The following ITSN1 variants were observed in gnomAD, a reference collection of about 807,000 sequenced individuals.
ITSN1 encodes the protein intersectin 1, also known as intersectin-1.
ITSN1 carries 58 observed loss-of-function variants against 239.8 expected under a neutral mutation model. The ratio of observed to expected loss-of-function variants is 0.24; its 90% CI spans 0.20 to 0.30. The LOEUF (loss-of-function observed/expected upper bound fraction) is 0.30, where lower values mean the gene tolerates loss of function less well. Ranked by LOEUF, ITSN1 falls within the 10% of genes least tolerant of loss-of-function variation. The probability of loss-of-function intolerance (pLI) is 1.00; values close to 1 mark genes in which losing one functional copy is unlikely to be tolerated. For synonymous variants in ITSN1, 780 were observed against 770.8 expected, an observed-to-expected ratio of 1.01 and a Z score of -0.20; for missense variants, 1,558 against 2,103.3, an observed-to-expected ratio of 0.74 and a Z score of 5.07.
chr21:33,744,806 T>G (rs2067083440), intron 5 of ITSN1, among the ~76,000 whole-genome samples: 2 of 152,192 alleles, frequency 1.3e-5, no homozygotes, highest in South Asian at 4.1e-4. Context: ...ACTCAATAAA[T>G]ATTTGTAAAT....
At chr21:33,707,220 C>G (rs776692162) in intron 1 of ITSN1, among the ~76,000 whole-genome samples, 6 of 152,074 alleles carry the variant, frequency 3.9e-5, no homozygotes, top group Non-Finnish European at 7.4e-5. Flanking sequence ...GCTTGTGGCT[C>G]TCTTTTCAAC....
intron 24 of ITSN1, among the ~76,000 whole-genome samples, chr21:33,820,875 T>G (rs1295311542): frequency 1.3e-5 from 2 of 152,166 alleles, no homozygotes; most frequent in Non-Finnish European, 2.9e-5. Context: ...AAAACTTTGG[T>G]GTGTTACATC....
intron 20 of ITSN1, among the ~76,000 whole-genome samples, chr21:33,808,164 C>T (rs1226351886): frequency 1.3e-5 from 2 of 150,358 alleles, no homozygotes; most frequent in African/African-American, 4.9e-5. Flanking sequence ...TCCGCAGTCC[C>T]ACCTGGGCGA....
chr21:33,815,005 C>T (rs191249031), intron 22 of ITSN1, among the ~76,000 whole-genome samples: 2 of 151,904 alleles, frequency 1.3e-5, no homozygotes, highest in Non-Finnish European at 2.9e-5. Flanking sequence ...CACCTTAAAG[C>T]GGGAAGGGAG....
At chr21:33,846,021 C>A (rs1230093209) in intron 29 of ITSN1, among the ~76,000 whole-genome samples, 2 of 152,144 alleles carry the variant, frequency 1.3e-5, no homozygotes, top group Non-Finnish European at 2.9e-5. Flanking sequence ...ATGACTCAAC[C>A]CCCCTTGTCT....
At chr21:33,756,428 T>A (rs1602044529) in intron 8 of ITSN1, among the ~76,000 whole-genome samples, 1 of 151,212 alleles carries the variant, frequency 6.6e-6, no homozygotes, top group Non-Finnish European at 1.5e-5. Context: ...GGGAAAAAAA[T>A]TAGGTTTCCT....
At chr21:33,770,622 C>G (rs1362466622) in intron 11 of ITSN1, among the ~76,000 whole-genome samples, 1 of 152,140 alleles carries the variant, frequency 6.6e-6, no homozygotes, top group Non-Finnish European at 1.5e-5. Flanking sequence ...TGGGATTTAC[C>G]TGTTGTGGAT....
intron 37 of ITSN1, 64 bp downstream of exon 37, chr21:33,885,187 C>A: frequency 1.5e-6 from 2 of 1,361,112 alleles, no homozygotes; most frequent in Non-Finnish European, 2.1e-6. Context: ...TTTGGCTGGG[C>A]TGAAAATCCT....
At chr21:33,800,198 CAG>C (rs895186218) in intron 19 of ITSN1, among the ~76,000 whole-genome samples, 25 of 151,878 alleles carry the variant, frequency 1.6e-4, no homozygotes, top group Non-Finnish European at 2.8e-4. Context: ...CTGATAATTT[CAG>C]AGTTTAGATT....
chr21:33,762,014 G>T, intron 9 of ITSN1, 28 bp downstream of exon 9: 1 of 1,559,530 alleles, frequency 6.4e-7, no homozygotes, highest in South Asian at 1.1e-5. Context: ...CTTTGGTTTG[G>T]ATAAAGTGGA....
intron 20 of ITSN1, 28 bp from the exon 21 acceptor site, chr21:33,810,947 C>T: frequency 1.2e-6 from 2 of 1,614,070 alleles, no homozygotes; most frequent in Non-Finnish European, 1.7e-6. Flanking sequence ...TAATTTAGTT[C>T]TACTTAAAGC....
chr21:33,794,612 A>G (rs2071391933), intron 17 of ITSN1, 144 bp downstream of exon 17: 3 of 1,138,172 alleles, frequency 2.6e-6, no homozygotes, highest in Non-Finnish European at 3.7e-6. Context: ...AAACACAAAC[A>G]CGTGTATATA....
At chr21:33,654,695 C>T (rs2088882118) in intron 1 of ITSN1, among the ~76,000 whole-genome samples, 1 of 152,284 alleles carries the variant, frequency 6.6e-6, no homozygotes, top group African/African-American at 2.4e-5. Flanking sequence ...AGGATTTGGC[C>T]TTAATATGCT....
intron 36 of ITSN1, 64 bp downstream of exon 36, chr21:33,883,735 C>A: frequency 6.4e-7 from 1 of 1,569,758 alleles, no homozygotes; most frequent in South Asian, 1.1e-5. Flanking sequence ...ACACAAGGGG[C>A]GGGTGATTAA....
chr21:33,715,168 A>G (rs991018121), intron 1 of ITSN1, among the ~76,000 whole-genome samples: 1 of 152,184 alleles, frequency 6.6e-6, no homozygotes, highest in Non-Finnish European at 1.5e-5. Flanking sequence ...GGCAATACAA[A>G]AATTATTGCT....
chr21:33,790,826 A>G (rs1222984871), intron 16 of ITSN1, among the ~76,000 whole-genome samples: 4 of 152,170 alleles, frequency 2.6e-5, no homozygotes, highest in African/African-American at 9.7e-5. Context: ...TTTCCTAGAT[A>G]TGTAATTTAA....
chr21:33,704,944 A>C (rs1385834863), intron 1 of ITSN1, among the ~76,000 whole-genome samples: 7 of 147,674 alleles, frequency 4.7e-5, no homozygotes, highest in East Asian at 4.0e-4. Context: ...AAAAAAAAAA[A>C]AAATACAAAC....
At chr21:33,713,897 CTA>C (rs2092490880) in intron 1 of ITSN1, among the ~76,000 whole-genome samples, 1 of 136,084 alleles carries the variant, frequency 7.3e-6, no homozygotes, top group Admixed American at 8.6e-5. Context: ...TGCAGTGGCG[CTA>C]TCTCGGCTCA....
intron 14 of ITSN1, among the ~76,000 whole-genome samples, chr21:33,775,777 C>T (rs2069552809): frequency 6.6e-6 from 1 of 152,126 alleles, no homozygotes; most frequent in African/African-American, 2.4e-5. Context: ...AATAAGTACA[C>T]TTAAGTATTT....
Sources: allele counts gnomAD v4.1 joint callset (sites outside exome capture counted in the v4.1 genomes callset), GRCh38; gene constraint gnomAD v4.1.1; transcripts MANE v1.5; gene names NCBI Gene and HGNC (gene_info 2026-07-23, HGNC 2026-07-21).